CACNG3: variants seen among roughly 807,000 people sequenced by gnomAD.
CACNG3 encodes the protein calcium voltage-gated channel auxiliary subunit gamma 3.
A neutral mutation model predicts 28.5 loss-of-function variants in CACNG3; 3 were observed. The observed-to-expected ratio is 0.11, with a 90% CI of 0.05 to 0.27. The LOEUF (loss-of-function observed/expected upper bound fraction) is 0.27, where lower values mean the gene tolerates loss of function less well. CACNG3 is among the 10% of genes least tolerant of loss of function. The probability of loss-of-function intolerance (pLI) is 1.00; values close to 1 mark genes in which losing one functional copy is unlikely to be tolerated. For missense variants in CACNG3, 236 were observed against 414.4 expected (o/e 0.57, Z 3.74); for synonymous variants, 174 against 162.2 (o/e 1.07, Z -0.55).
At chr16:24,348,372 A>G (rs1232643855) in intron 2 of CACNG3, among the ~76,000 whole-genome samples, 1 of 152,194 alleles carries the variant, frequency 6.6e-6, no homozygotes, top group South Asian at 2.1e-4. Flanking sequence ...GTGCCATTGC[A>G]TTGATTGTGC....
rs1010468789 is a variant in CACNG3, at chr16:24,356,038, G to A, written c.436+1065G>A. 1.1e-4 allele frequency among the ~76,000 whole-genome samples: 17 copies of A among 152,250 alleles called. 2 individuals carry two copies. The highest frequency in any genetic ancestry group is 2.0e-4 in the Admixed American group (3 of 15,288). On this transcript the variant is annotated intron_variant, in intron 3 of 3. Transcript: ENST00000005284. The stretch of plus-strand genomic sequence containing the variant: ...TCCCTCCACCTCCATCCCTTCACTG[G>A]TGTCCTGTCTTCCTTGCTTCCCTCT...
intron 2 of CACNG3, among the ~76,000 whole-genome samples, chr16:24,353,401 G>A (rs949119319): frequency 1.3e-5 from 2 of 152,208 alleles, no homozygotes; most frequent in African/African-American, 2.4e-5. Flanking sequence ...AATGAGCACA[G>A]AATTTATTCA....
chr16:24,320,223 A>G (rs568814879), intron 1 of CACNG3, among the ~76,000 whole-genome samples: 1 of 152,376 alleles, frequency 6.6e-6, no homozygotes, highest in South Asian at 2.1e-4. Flanking sequence ...GATGCGTTTC[A>G]GAAATTCAAA....
Position 24,259,051 on chromosome 16 carries a change from G to A in CACNG3, c.211+2086G>A, listed in dbSNP as rs138259863. On this transcript the variant is annotated intron_variant, in intron 1 of 3. Transcript: ENST00000005284. ...AGCCAGGCATTCTGTAGGCTTAGTG[G>A]GAGAAGTGAGAAATTGAATCAAGAA... Among the ~76,000 whole-genome samples the A allele has an allele frequency of 4.6e-3, 701 of 152,306 alleles. 2 individuals are homozygous for A. Among genetic ancestry groups the A allele is most frequent in the African/African-American group, 0.016 (674 of 41,548 alleles).
Position 24,295,672 on chromosome 16 carries a change from C to A in CACNG3, c.211+38707C>A, listed in dbSNP as rs1320788575. Among the ~76,000 whole-genome samples the A allele has an allele frequency of 2.6e-5, 4 of 152,046 alleles. No homozygotes were observed. In the East Asian group the frequency reaches 7.7e-4, roughly 29 times the overall value. ...GACCAGCCTGGGCAACATAGTGAGA[C>A]CTCATCACCACTAAAAATTAAAAAA... On this transcript the variant is annotated intron_variant, in intron 1 of 3. Coordinates refer to ENST00000005284, the MANE Select transcript of CACNG3 (RefSeq NM_006539.4).
intron 1 of CACNG3, among the ~76,000 whole-genome samples, chr16:24,309,564 G>A (rs1175294539): frequency 2.6e-5 from 4 of 152,242 alleles, no homozygotes; most frequent in Admixed American, 2.6e-4. Flanking sequence ...GTGAGCAGAT[G>A]AATTACAATT....
At chr16:24,314,483 A>T (rs1899319898) in intron 1 of CACNG3, among the ~76,000 whole-genome samples, 1 of 152,154 alleles carries the variant, frequency 6.6e-6, no homozygotes. Flanking sequence ...ATGCACCTTG[A>T]TGTGAAAAAG....
At chr16:24,294,850 G>A (rs1320131190) in intron 1 of CACNG3, among the ~76,000 whole-genome samples, 4 of 152,318 alleles carry the variant, frequency 2.6e-5, no homozygotes, top group East Asian at 1.9e-4. Context: ...GTATTTCATA[G>A]AGCTACTATG....
At position 24,346,794 on chromosome 16, in the gene CACNG3, A is replaced by C; in HGVS notation, c.272A>C (p.Gln91Pro). The change falls in exon 2 of 4, where the codon CAG becomes CCG. Residue 91 changes from glutamine (Q) to proline (P), a missense_variant. By Grantham distance (76) the Gln-to-Pro change is moderately conservative (BLOSUM62 -1). Coordinates refer to ENST00000005284, the MANE Select transcript of CACNG3 (RefSeq NM_006539.4). The part of the protein sequence containing the change: ...DHFPEDADYE[Q>P]DTAEYLLRAV... ...TTCCCTGAAGATGCTGACTACGAAC[A>C]GGACACAGCCGAATATCTCCTGCGT... 6.2e-7 allele frequency: 1 copy of C among 1,614,122 alleles called. No individual in the cohort carries two copies. Among genetic ancestry groups the C allele is most frequent in the Non-Finnish European group, 8.5e-7 (1 of 1,179,936 alleles).
At chr16:24,348,567 C>T (rs1836420149) in intron 2 of CACNG3, among the ~76,000 whole-genome samples, 1 of 152,062 alleles carries the variant, frequency 6.6e-6, no homozygotes, top group African/African-American at 2.4e-5. Context: ...TCTCTCTGGG[C>T]CTGATAATTA....
At chr16:24,351,735 G>C (rs1157180636) in intron 2 of CACNG3, among the ~76,000 whole-genome samples, 2 of 78,884 alleles carry the variant, frequency 2.5e-5, no homozygotes, top group African/African-American at 9.8e-5. Context: ...GAGAGAGAGA[G>C]AAAGGAAGGA....
intron 3 of CACNG3, among the ~76,000 whole-genome samples, chr16:24,356,888 G>A (rs1343232606): frequency 2.6e-5 from 4 of 152,118 alleles, no homozygotes; most frequent in African/African-American, 4.8e-5. Context: ...GGTGGAAGGC[G>A]AAGGAGGAGC....
At chr16:24,323,392 G>C (rs1899493091) in intron 1 of CACNG3, among the ~76,000 whole-genome samples, 1 of 152,014 alleles carries the variant, frequency 6.6e-6, no homozygotes, top group African/African-American at 2.4e-5. Context: ...CCCTAATAAA[G>C]ATTATCTAAG....
intron 1 of CACNG3, among the ~76,000 whole-genome samples, chr16:24,308,772 C>G (rs1158355205): frequency 8.2e-6 from 1 of 122,508 alleles, no homozygotes; most frequent in African/African-American, 3.1e-5. Context: ...CCCAGGAGTT[C>G]AAAGCTGCAG....
chr16:24,340,200 G>T (rs942630316), intron 1 of CACNG3, among the ~76,000 whole-genome samples: 1 of 152,018 alleles, frequency 6.6e-6, no homozygotes. Context: ...GAACCCAGGA[G>T]TTCAAGATCG....
chr16:24,313,337 T>A (rs979476722), intron 1 of CACNG3, among the ~76,000 whole-genome samples: 7 of 152,182 alleles, frequency 4.6e-5, no homozygotes, highest in Non-Finnish European at 8.8e-5. Context: ...CCAAACAACG[T>A]GCCCCAGGTC....
Position 24,358,083 on chromosome 16 carries a change from A to T in CACNG3, c.436+3110A>T, listed in dbSNP as rs141582061. 3.1e-3 allele frequency among the ~76,000 whole-genome samples: 467 copies of T among 151,742 alleles called. 1 individual carries two copies. Among genetic ancestry groups the T allele is most frequent in the Non-Finnish European group, 5.0e-3 (339 of 67,868 alleles). ...CTAAAATGAAAGGATTGGAGGATTC[A>T]CTACTCTCTAAGGCTGTTTTTTGCT... On this transcript the variant is annotated intron_variant, in intron 3 of 3. Transcript: ENST00000005284.
chr16:24,334,292 G>T (rs571136880), intron 1 of CACNG3, among the ~76,000 whole-genome samples: 26 of 152,284 alleles, frequency 1.7e-4, no homozygotes, highest in South Asian at 6.2e-4. Flanking sequence ...GTCAAGCTCT[G>T]GCTACAGAAT....
At chr16:24,302,246 T>C (rs1899122949) in intron 1 of CACNG3, among the ~76,000 whole-genome samples, 1 of 152,184 alleles carries the variant, frequency 6.6e-6, no homozygotes, top group Non-Finnish European at 1.5e-5. Flanking sequence ...GTGCTATCCT[T>C]CTGCTTAATA....
Sources: allele counts gnomAD v4.1 joint callset (sites outside exome capture counted in the v4.1 genomes callset), GRCh38; gene constraint gnomAD v4.1.1; transcripts MANE v1.5; gene names NCBI Gene and HGNC (gene_info 2026-07-23, HGNC 2026-07-21).